Variants in CCDC191 observed in about 807,000 individuals in gnomAD.
CCDC191 encodes the protein coiled-coil domain containing 191.
A neutral mutation model predicts 114.0 loss-of-function variants in CCDC191; 99 were observed. That is an observed-to-expected ratio of 0.87 (90% confidence interval 0.74 to 1.03). CCDC191 has a LOEUF of 1.03. Ranked by LOEUF, CCDC191 falls within the 50% of genes least tolerant of loss-of-function variation. CCDC191 has a pLI of 0.00. For synonymous variants in CCDC191, 351 were observed against 376.0 expected (o/e 0.93, Z 0.77); for missense variants, 973 against 1,087.0 (o/e 0.90, Z 1.47).
intron 16 of CCDC191, among the ~76,000 whole-genome samples, chr3:113,971,180 C>T (rs1409516713): frequency 6.6e-6 from 1 of 152,176 alleles, no homozygotes; most frequent in African/African-American, 2.4e-5. Context: ...ACAGTCCCAC[C>T]AACAGTGTAA....
intron 7 of CCDC191, among the ~76,000 whole-genome samples, chr3:114,020,278 G>T (rs757284627): frequency 4.6e-5 from 7 of 152,162 alleles, no homozygotes; most frequent in Middle Eastern, 3.2e-3. Flanking sequence ...ATGTATCAAT[G>T]AAAAGACCAA....
chr3:114,003,299 G>T (rs1261681687), intron 11 of CCDC191: 1 of 985,252 alleles, frequency 1.0e-6, no homozygotes, highest in Non-Finnish European at 1.2e-6. Flanking sequence ...CCAGCCAATA[G>T]TTACTTTCAG....
intron 2 of CCDC191, among the ~76,000 whole-genome samples, chr3:114,051,391 C>T (rs1389566731): frequency 6.6e-6 from 1 of 152,122 alleles, no homozygotes; most frequent in Non-Finnish European, 1.5e-5. Context: ...CCAGAGAAAA[C>T]CTCCAAGTCT....
chr3:113,995,394 C>T (rs1270034195), intron 13 of CCDC191, among the ~76,000 whole-genome samples: 2 of 152,060 alleles, frequency 1.3e-5, no homozygotes, highest in Non-Finnish European at 2.9e-5. Context: ...TGTTAAAAGC[C>T]ATAGCACTGT....
chr3:113,982,868 A>AAAC (rs1553741930), intron 13 of CCDC191, among the ~76,000 whole-genome samples: 2 of 151,554 alleles, frequency 1.3e-5, no homozygotes, highest in African/African-American at 4.8e-5. Context: ...AAAAAAAAAA[A>AAAC]AACCAAAAAT....
Position 114,035,126 on chromosome 3 carries a change from C to A in CCDC191, c.617G>T (p.Arg206Leu), listed in dbSNP as rs577503930. Residue 206 changes from arginine (R) to leucine (L), a missense_variant, in exon 6 of 17, where the codon CGT (arginine) becomes CTT (leucine). Coordinates refer to ENST00000295878, the MANE Select transcript of CCDC191 (RefSeq NM_020817.2). ...HKQVKENRLR[R>L]EKELEYQRIE... The stretch of plus-strand genomic sequence containing the variant: ...TCTCTGGTACTCCAGTTCTTTCTCA[C>A]GTCTTAAGCGATTTTCTTTTACCTT... 5 of 1,612,892 alleles carry A rather than the reference C, an allele frequency of 3.1e-6. No individual in the cohort carries two copies. The Admixed American group carries it at 8.4e-5, about 27-fold the overall frequency.
chr3:114,045,917 G>C (rs2076623410), intron 3 of CCDC191, among the ~76,000 whole-genome samples: 1 of 152,186 alleles, frequency 6.6e-6, no homozygotes, highest in African/African-American at 2.4e-5. Flanking sequence ...CAAGGGCTTT[G>C]TCTCTCTTGT....
intron 13 of CCDC191, among the ~76,000 whole-genome samples, chr3:113,986,186 A>G (rs917340052): frequency 2.0e-5 from 3 of 152,254 alleles, no homozygotes; most frequent in Admixed American, 1.3e-4. Context: ...GGTAATAGAG[A>G]TAAAGAGGCA....
At chr3:114,035,259 G>A (rs1271854354) in intron 5 of CCDC191, 111 bp from the exon 6 acceptor site, 1 of 712,322 alleles carries the variant, frequency 1.4e-6, no homozygotes, top group Non-Finnish European at 2.3e-6. Flanking sequence ...AAATATGCTG[G>A]CCCAGAACTC....
At position 114,012,538 on chromosome 3, in the gene CCDC191, T is replaced by G. The variant is rs191608700; in HGVS notation, c.1164-1517A>C. ...CTTGAAATAAAAATTTTAGAAGAAATAACAATAAATCAGATAGCAACACAG... is the reference window on the plus strand; with the variant it reads ...CTTGAAATAAAAATTTTAGAAGAAAGAACAATAAATCAGATAGCAACACAG... On this transcript the variant is annotated intron_variant, in intron 8 of 16. Coordinates refer to ENST00000295878, the MANE Select transcript of CCDC191 (RefSeq NM_020817.2). Among the ~76,000 whole-genome samples, 140 of 152,254 alleles carry G rather than the reference T, an allele frequency of 9.2e-4. 1 individual carries two copies. Among genetic ancestry groups the G allele is most frequent in the Admixed American group, 3.5e-3 (53 of 15,288 alleles).
chr3:114,025,807 G>A (rs1295428324), intron 7 of CCDC191, among the ~76,000 whole-genome samples: 1 of 151,964 alleles, frequency 6.6e-6, no homozygotes, highest in African/African-American at 2.4e-5. Context: ...CCTGTTACCT[G>A]CCCACCCTTC....
intron 13 of CCDC191, among the ~76,000 whole-genome samples, chr3:113,983,109 T>A (rs1488074416): frequency 1.3e-5 from 2 of 152,116 alleles, no homozygotes; most frequent in Non-Finnish European, 2.9e-5. Context: ...AATCAAAGAA[T>A]CACTTATCTG....
chr3:113,978,083 C>T, intron 16 of CCDC191, 103 bp downstream of exon 16: 2 of 1,345,132 alleles, frequency 1.5e-6, no homozygotes, highest in Non-Finnish European at 2.1e-6. Context: ...TCCCCGCTCT[C>T]CTAGCCTCCA....
In CCDC191 at chr3:114,004,605, A is replaced by C. The variant is rs761297467; in HGVS notation, c.1978+32T>G. On this transcript the variant is annotated intron_variant, in intron 11 of 16. Transcript: ENST00000295878. Reference sequence around the variant, plus strand: ...ATTCTACTCTAGGAGAGAAGATAACAACCACCAAGGCCACCACCGAGACAG... The same window carrying C: ...ATTCTACTCTAGGAGAGAAGATAACCACCACCAAGGCCACCACCGAGACAG... The C allele has an allele frequency of 3.9e-6, 6 of 1,538,252 alleles. No individual in the cohort carries two copies. The African/African-American group carries it at 5.5e-5, about 14-fold the overall frequency.
At chr3:114,056,156 A>C (rs1250723598) in intron 1 of CCDC191, among the ~76,000 whole-genome samples, 1 of 152,112 alleles carries the variant, frequency 6.6e-6, no homozygotes, top group East Asian at 1.9e-4. Context: ...AGCGTTACAA[A>C]CAGTTCTTCC....
chr3:114,010,739 G>C, intron 9 of CCDC191, 33 bp downstream of exon 9: 7 of 1,568,492 alleles, frequency 4.5e-6, no homozygotes, highest in South Asian at 2.4e-5. Flanking sequence ...AACCTCAAAT[G>C]CAAGTGTTTA....
intron 10 of CCDC191, 23 bp from the exon 11 acceptor site, chr3:114,004,769 G>C (rs374429493): frequency 1.2e-5 from 19 of 1,602,358 alleles, no homozygotes; most frequent in Non-Finnish European, 1.6e-5. Context: ...TAAAGGAAAG[G>C]AATTTAGACT....
intron 4 of CCDC191, among the ~76,000 whole-genome samples, chr3:114,042,205 C>G (rs1204710671): frequency 6.6e-6 from 1 of 152,088 alleles, no homozygotes; most frequent in East Asian, 1.9e-4. Context: ...TTGGCCCTCC[C>G]TATCTGCAGA....
intron 9 of CCDC191, among the ~76,000 whole-genome samples, chr3:114,006,415 C>CT (rs1397225457): frequency 6.6e-6 from 1 of 151,330 alleles, no homozygotes; most frequent in African/African-American, 2.4e-5. Flanking sequence ...TGCTACTGAA[C>CT]TCCAGCCTGG....
Sources: gnomAD v4.1 joint callset for allele counts (sites outside exome capture counted in the v4.1 genomes callset) on GRCh38, gnomAD v4.1.1 for gene constraint, MANE v1.5 for transcripts, NCBI Gene and HGNC (gene_info 2026-07-23, HGNC 2026-07-21) for gene names.